CAPZB: variants seen among roughly 807,000 people sequenced by gnomAD.
CAPZB encodes capping actin protein of muscle Z-line subunit beta.
Under a neutral mutation model 38.1 loss-of-function variants are expected in CAPZB, and 2 were observed. That is an observed-to-expected ratio of 0.05 (90% CI 0.02 to 0.17). The LOEUF (loss-of-function observed/expected upper bound fraction) is 0.17, where lower values mean the gene tolerates loss of function less well. Ranked by LOEUF, CAPZB falls within the 10% of genes least tolerant of loss-of-function variation. CAPZB has a pLI of 1.00. For synonymous variants in CAPZB, 107 were observed against 127.4 expected (o/e 0.84, Z 1.08); for missense variants, 161 against 334.2 (o/e 0.48, Z 4.04).
chr1:19,448,581 G>T (rs1266310602), intron 1 of CAPZB, among the ~76,000 whole-genome samples: 2 of 152,198 alleles, frequency 1.3e-5, no homozygotes, highest in Non-Finnish European at 2.9e-5. Flanking sequence ...GATAAATGCT[G>T]TAGGGGTTTT....
intron 1 of CAPZB, among the ~76,000 whole-genome samples, chr1:19,461,731 T>C (rs750548523): frequency 2.0e-5 from 3 of 152,210 alleles, no homozygotes; most frequent in Non-Finnish European, 4.4e-5. Flanking sequence ...AAGAAGAGTT[T>C]GGAATGGGGC....
intron 2 of CAPZB, among the ~76,000 whole-genome samples, chr1:19,403,170 T>C (rs1454563714): frequency 6.6e-6 from 1 of 152,224 alleles, no homozygotes; most frequent in Non-Finnish European, 1.5e-5. Context: ...CCCTGGTGCT[T>C]CAGCTTAGGC....
chr1:19,439,742 T>C (rs4912095), intron 1 of CAPZB, among the ~76,000 whole-genome samples: 31,912 of 152,300 alleles, frequency 0.21, 4,161 homozygotes, highest in Non-Finnish European at 0.28. Context: ...GTCCTGCACA[T>C]GGCACGCTTC....
At chr1:19,433,482 A>T (rs1266477415) in intron 1 of CAPZB, among the ~76,000 whole-genome samples, 3 of 152,240 alleles carry the variant, frequency 2.0e-5, no homozygotes, top group Non-Finnish European at 4.4e-5. Context: ...GGCCTAGATG[A>T]AATCTATAAT....
intron 1 of CAPZB, among the ~76,000 whole-genome samples, chr1:19,432,042 CAAAAAAA>C (rs10583269): frequency 0.28 from 34,082 of 120,286 alleles, 3,913 homozygotes; most frequent in Middle Eastern, 0.41. Flanking sequence ...GATCCTGTCT[CAAAAAAA>C]AAAAAAAAAA....
intron 1 of CAPZB, among the ~76,000 whole-genome samples, chr1:19,427,082 A>T (rs1344129979): frequency 6.6e-6 from 1 of 152,226 alleles, no homozygotes; most frequent in Admixed American, 6.5e-5. Context: ...TACGTTTCCT[A>T]GCTGGGGCCA....
intron 1 of CAPZB, among the ~76,000 whole-genome samples, chr1:19,468,511 C>T (rs2094575702): frequency 6.6e-6 from 1 of 151,980 alleles, no homozygotes; most frequent in South Asian, 2.1e-4. Flanking sequence ...GGGGTGGAGT[C>T]GTGAAAAGGA....
intron 2 of CAPZB, among the ~76,000 whole-genome samples, chr1:19,410,391 A>G (rs552192358): frequency 6.6e-6 from 1 of 152,326 alleles, no homozygotes; most frequent in South Asian, 2.1e-4. Flanking sequence ...CATTTGTTTT[A>G]ACTGAAAGTA....
In CAPZB at chr1:19,339,546, C is replaced by T; in HGVS notation, c.803G>A (p.Arg268Lys). Residue 268 changes from arginine to lysine, a missense_variant, in exon 9 of 9, where the codon AGA (arginine) becomes AAA (lysine). Transcript: ENST00000264202. ...LKNDLVEALK[R>K]KQQC Reference sequence around the variant, plus strand: ...AACAGAGGTTTAGCATTGCTGCTTTCTCTTCAAAGCCTCCACCAGGTCATT... The same window carrying T: ...AACAGAGGTTTAGCATTGCTGCTTTTTCTTCAAAGCCTCCACCAGGTCATT... 3 of 1,613,402 alleles carry T rather than the reference C, an allele frequency of 1.9e-6. No individual in the cohort carries two copies. Among genetic ancestry groups the T allele is most frequent in the Non-Finnish European group, 2.5e-6 (3 of 1,179,272 alleles).
intron 3 of CAPZB, among the ~76,000 whole-genome samples, chr1:19,379,674 T>C (rs1425270649): frequency 2.0e-5 from 3 of 152,224 alleles, no homozygotes; most frequent in Admixed American, 6.5e-5. Flanking sequence ...ACCAGTCTTT[T>C]TGCAGCCCAA....
intron 2 of CAPZB, among the ~76,000 whole-genome samples, chr1:19,402,051 C>T (rs987044535): frequency 6.6e-6 from 1 of 152,228 alleles, no homozygotes; most frequent in East Asian, 1.9e-4. Context: ...AATCTTAACT[C>T]ATAAGGGTGA....
intron 4 of CAPZB, among the ~76,000 whole-genome samples, chr1:19,360,306 C>A (rs183784666): frequency 9.6e-4 from 146 of 152,322 alleles, no homozygotes; most frequent in Non-Finnish European, 1.0e-3. Context: ...GGGAGAGCAG[C>A]CCCACATCAA....
intron 2 of CAPZB, among the ~76,000 whole-genome samples, chr1:19,401,101 T>C (rs1309707878): frequency 3.3e-5 from 5 of 151,934 alleles, no homozygotes; most frequent in African/African-American, 1.2e-4. Flanking sequence ...TCCAATGCCA[T>C]GGTGAGAGAC....
intron 8 of CAPZB, chr1:19,342,652 G>C: frequency 1.3e-6 from 1 of 741,216 alleles, no homozygotes; most frequent in South Asian, 1.5e-5. Context: ...GTTAGTGGTG[G>C]TTTAAATGGC....
chr1:19,452,416 C>T (rs1014851188), intron 1 of CAPZB, among the ~76,000 whole-genome samples: 22 of 152,250 alleles, frequency 1.4e-4, no homozygotes, highest in South Asian at 1.0e-3. Context: ...GCACAGTGGT[C>T]GGCTCATAGC....
intron 4 of CAPZB, among the ~76,000 whole-genome samples, chr1:19,371,493 C>T (rs191420768): frequency 3.3e-5 from 5 of 152,300 alleles, no homozygotes; most frequent in East Asian, 3.9e-4. Flanking sequence ...GGTAAGGAAA[C>T]GGAGGCTCAG....
intron 1 of CAPZB, among the ~76,000 whole-genome samples, chr1:19,422,653 C>T (rs561195961): frequency 1.3e-5 from 2 of 151,920 alleles, no homozygotes; most frequent in African/African-American, 2.4e-5. Context: ...AGGAGAATGG[C>T]ATGAACCCGG....
At chr1:19,483,877 T>G (rs943261408) in intron 1 of CAPZB, among the ~76,000 whole-genome samples, 1 of 152,200 alleles carries the variant, frequency 6.6e-6, no homozygotes, top group Non-Finnish European at 1.5e-5. Flanking sequence ...CCATCTCAAC[T>G]ACTCACCCTC....
intron 1 of CAPZB, among the ~76,000 whole-genome samples, chr1:19,440,616 A>G (rs924271253): frequency 6.6e-6 from 1 of 152,112 alleles, no homozygotes; most frequent in Non-Finnish European, 1.5e-5. Context: ...TGTGGGGGGA[A>G]GGGACTTGGG....
Sources: gnomAD v4.1 joint callset for allele counts (sites outside exome capture counted in the v4.1 genomes callset) on GRCh38, gnomAD v4.1.1 for gene constraint, MANE v1.5 for transcripts, NCBI Gene and HGNC (gene_info 2026-07-23, HGNC 2026-07-21) for gene names.